HTR2A: variants seen among roughly 807,000 people sequenced by gnomAD.
HTR2A encodes the protein 5-HT2 receptor.
In HTR2A, 14 loss-of-function variants were observed where a neutral mutation model predicts 31.0. The ratio of observed to expected loss-of-function variants is 0.45; its 90% CI spans 0.30 to 0.71. The LOEUF (loss-of-function observed/expected upper bound fraction) is 0.71. HTR2A is among the 30% of genes least tolerant of loss of function. HTR2A has a pLI of 0.09. For missense variants in HTR2A, 442 were observed against 573.3 expected, an observed-to-expected ratio of 0.77 and a Z score of 2.34; for synonymous variants, 209 against 225.2, an observed-to-expected ratio of 0.93 and a Z score of 0.64.
At chr13:46,848,716 C>G (rs976314832) in intron 3 of HTR2A, among the ~76,000 whole-genome samples, 87 of 152,276 alleles carry the variant, frequency 5.7e-4, no homozygotes, top group African/African-American at 2.1e-3. Flanking sequence ...TTCTGTACTT[C>G]CATTTTTTGT....
intron 3 of HTR2A, among the ~76,000 whole-genome samples, chr13:46,864,989 A>T (rs999470168): frequency 7.9e-5 from 12 of 152,008 alleles, no homozygotes; most frequent in African/African-American, 2.7e-4. Flanking sequence ...AATTTACCCA[A>T]CCTAACCTCA....
intron 3 of HTR2A, among the ~76,000 whole-genome samples, chr13:46,888,014 A>T (rs1951021630): frequency 6.6e-6 from 1 of 152,032 alleles, no homozygotes; most frequent in Non-Finnish European, 1.5e-5. Flanking sequence ...CCACCATGGC[A>T]CACGTTTACC....
chr13:46,891,206 TTAAAA>T lies in HTR2A; in HGVS notation c.613+1179_613+1183del, dbSNP rs372792649. 5.3e-5 allele frequency among the ~76,000 whole-genome samples: 8 copies of T among 152,280 alleles called. No individual in the cohort carries two copies. In the East Asian group the frequency reaches 1.4e-3, roughly 26 times the overall value. The stretch of plus-strand genomic sequence containing the variant: ...TCTATCTCAAACGGTAATGGGAAAT[TTAAAA>T]TAGGAAGTAGGTAAGACTTTTTAAA... On this transcript the variant is annotated intron_variant, in intron 3 of 3. Coordinates refer to ENST00000542664, the MANE Select transcript of HTR2A (RefSeq NM_000621.5).
At chr13:46,892,163 T>C (rs1951058355) in intron 3 of HTR2A, among the ~76,000 whole-genome samples, 1 of 152,390 alleles carries the variant, frequency 6.6e-6, no homozygotes, top group South Asian at 2.1e-4. Flanking sequence ...CTACTGTTTA[T>C]AGTTTTGCCT....
Position 46,896,869 on chromosome 13 carries a change from C to T in HTR2A, c.-524G>A. 6.5e-7 allele frequency: 1 copy of T among 1,530,834 alleles called. No homozygotes were observed. Among genetic ancestry groups the T allele is most frequent in the Non-Finnish European group, 8.7e-7 (1 of 1,143,430 alleles). 94.8% of individuals were successfully genotyped at this position (1,530,834 alleles called of 1,614,324 possible). ...AGCCAGCTCCCGCACTGCTAGGATC[C>T]TGTTGGCTTCCTCTGGCACGGCTCG... On this transcript the variant is annotated 5_prime_UTR_variant, in exon 1 of 4. Coordinates refer to ENST00000542664, the MANE Select transcript of HTR2A (RefSeq NM_000621.5).
Position 46,896,881 on chromosome 13 carries a change from T to C in HTR2A, c.-536A>G, listed in dbSNP as rs1951109907. The C allele has an allele frequency of 6.6e-7, 1 of 1,514,114 alleles. No individual in the cohort carries two copies. Among genetic ancestry groups the C allele is most frequent in the East Asian group, 2.5e-5 (1 of 40,636 alleles). 93.8% of individuals were successfully genotyped at this position (1,514,114 alleles called of 1,614,324 possible). A position where few individuals can be genotyped will look rare whatever the true frequency, so the allele number is the denominator to read the frequency against. On this transcript the variant is annotated 5_prime_UTR_variant, in exon 1 of 4. Coordinates refer to ENST00000542664, the MANE Select transcript of HTR2A (RefSeq NM_000621.5). ...CACTGCTAGGATCCTGTTGGCTTCC[T>C]CTGGCACGGCTCGGCTGGGTTCCTC...
intron 3 of HTR2A, among the ~76,000 whole-genome samples, chr13:46,890,475 C>T (rs1484406536): frequency 6.6e-6 from 1 of 152,194 alleles, no homozygotes; most frequent in East Asian, 1.9e-4. Flanking sequence ...GTGGAAAGAG[C>T]ATGGGCTTTG....
intron 3 of HTR2A, among the ~76,000 whole-genome samples, chr13:46,876,400 ATATATTTTT>A: frequency 1.2e-5 from 1 of 80,642 alleles, no homozygotes; most frequent in South Asian, 4.4e-4. Flanking sequence ...ATATATATAT[ATATATTTTT>A]TTTTTTTTTT....
At chr13:46,865,464 A>G (rs556181997) in intron 3 of HTR2A, among the ~76,000 whole-genome samples, 44 of 152,172 alleles carry the variant, frequency 2.9e-4, no homozygotes, top group Non-Finnish European at 4.7e-4. Context: ...TTCAGCCTTC[A>G]GTCCTAGCAA....
chr13:46,845,660 A>AG (rs1491414724), intron 3 of HTR2A, among the ~76,000 whole-genome samples: 12 of 149,066 alleles, frequency 8.1e-5, no homozygotes, highest in Non-Finnish European at 1.6e-4. Flanking sequence ...AAAAAAAAAA[A>AG]GAAAAAAAGA....
intron 3 of HTR2A, among the ~76,000 whole-genome samples, chr13:46,838,365 A>G (rs1950575038): frequency 6.6e-6 from 1 of 152,130 alleles, no homozygotes; most frequent in Non-Finnish European, 1.5e-5. Context: ...ACATACCTTC[A>G]TGCATTTGGT....
At position 46,896,678 on chromosome 13, in the gene HTR2A, G is replaced by A; in HGVS notation, c.-333C>T. ...TATAGCGGCATGAGAACTTACATTT[G>A]TCTTCAGGGTCCACACATGAGATAC... On this transcript the variant is annotated 5_prime_UTR_variant, in exon 1 of 4. Coordinates refer to ENST00000542664, the MANE Select transcript of HTR2A (RefSeq NM_000621.5). 6.6e-7 allele frequency: 1 copy of A among 1,524,530 alleles called. No individual in the cohort carries two copies. Among genetic ancestry groups the A allele is most frequent in the South Asian group, 1.2e-5 (1 of 81,928 alleles). The allele number at this position is 1,524,530 out of a possible 1,614,324, so 94.4% of individuals were successfully genotyped here.
intron 3 of HTR2A, among the ~76,000 whole-genome samples, chr13:46,888,406 A>T (rs748784691): frequency 6.6e-6 from 1 of 152,092 alleles, no homozygotes; most frequent in Non-Finnish European, 1.5e-5. Context: ...TAAGACTGAC[A>T]GCTGGATTCT....
At chr13:46,852,034 G>A (rs920784960) in intron 3 of HTR2A, 3 of 152,224 alleles carry the variant, frequency 2.0e-5, no homozygotes, top group Non-Finnish European at 4.4e-5. Flanking sequence ...AATAAGAGCA[G>A]GATTCAATCT....
intron 3 of HTR2A, chr13:46,856,443 G>A (rs1447475547): frequency 6.6e-6 from 1 of 152,146 alleles, no homozygotes. Flanking sequence ...GCAGGGTTTT[G>A]AAGAAGAGCC....
chr13:46,843,509 T>C (rs1031976852), intron 3 of HTR2A, among the ~76,000 whole-genome samples: 1 of 151,890 alleles, frequency 6.6e-6, no homozygotes, highest in Non-Finnish European at 1.5e-5. Flanking sequence ...CAAAGACGCA[T>C]AGTAGGGAGG....
chr13:46,843,478 T>G (rs1950615868), intron 3 of HTR2A, among the ~76,000 whole-genome samples: 1 of 152,084 alleles, frequency 6.6e-6, no homozygotes, highest in South Asian at 2.1e-4. Context: ...ACTATTAACC[T>G]AAGTTCATGG....
intron 3 of HTR2A, among the ~76,000 whole-genome samples, chr13:46,869,297 G>T (rs1950845750): frequency 6.6e-6 from 1 of 152,112 alleles, no homozygotes; most frequent in Non-Finnish European, 1.5e-5. Flanking sequence ...TTTCTTCAAA[G>T]AAGACATTAC....
chr13:46,866,223 C>T (rs1374251714), intron 3 of HTR2A, among the ~76,000 whole-genome samples: 1 of 152,084 alleles, frequency 6.6e-6, no homozygotes, highest in African/African-American at 2.4e-5. Flanking sequence ...TGCTATTAGC[C>T]CAGGAGGCAG....
Sources: allele counts gnomAD v4.1 joint callset (sites outside exome capture counted in the v4.1 genomes callset), GRCh38; gene constraint gnomAD v4.1.1; transcripts MANE v1.5; gene names NCBI Gene and HGNC (gene_info 2026-07-23, HGNC 2026-07-21).